Variants in YTHDF3 observed in about 807,000 individuals in gnomAD.
YTHDF3 encodes the protein YTH N6-methyladenosine RNA binding protein F3.
YTHDF3 carries 9 observed loss-of-function variants against 52.5 expected under a neutral mutation model. The ratio of observed to expected loss-of-function variants is 0.17; its 90% confidence interval spans 0.10 to 0.30. The LOEUF (loss-of-function observed/expected upper bound fraction) is 0.30. Ranked by LOEUF, YTHDF3 falls within the 10% of genes least tolerant of loss-of-function variation. YTHDF3 has a pLI of 1.00. For missense variants in YTHDF3, 534 were observed against 715.0 expected, an observed-to-expected ratio of 0.75 and a Z score of 2.89; for synonymous variants, 274 against 243.3, an observed-to-expected ratio of 1.13 and a Z score of -1.18.
chr8:63,187,336 A>T lies in YTHDF3; in HGVS notation c.1325A>T (p.Glu442Val). ...SIKYSIWCSTEHGNKRLDAAY... is the reference protein window; with the variant it reads ...SIKYSIWCSTVHGNKRLDAAY... ...AAATACTCTATCTGGTGTAGTACTG[A>T]GCATGGTAATAAGCGTTTGGATGCA... is the stretch of plus-strand genomic sequence containing the variant. The change falls in exon 4 of 5, where the codon GAG becomes GTG. Residue 442 changes from glutamate to valine, a missense_variant. By Grantham distance (121) the Glu-to-Val change is moderately radical. Transcript: ENST00000539294. The T allele has an allele frequency of 6.2e-7, 1 of 1,614,038 alleles. No homozygotes were observed. The highest frequency in any genetic ancestry group is 8.5e-7 in the Non-Finnish European group (1 of 1,179,904).
chr8:63,183,309 C>T (rs896029378), intron 3 of YTHDF3, among the ~76,000 whole-genome samples: 3 of 152,094 alleles, frequency 2.0e-5, no homozygotes, highest in African/African-American at 7.2e-5. Flanking sequence ...ACTAGATGAA[C>T]TTCTCATTTT....
At chr8:63,169,184 C>T in intron 1 of YTHDF3, 1 of 1,382,270 alleles carries the variant, frequency 7.2e-7, no homozygotes, top group Non-Finnish European at 9.6e-7. Flanking sequence ...CGGGCGAGCT[C>T]TGGGAGACGG....
rs1472505316 is a variant in YTHDF3, at chr8:63,186,180, A to T, written c.169A>T (p.Met57Leu). The change falls in exon 4 of 5, where the codon ATG becomes TTG. Residue 57 changes from methionine to leucine, a missense_variant. Physicochemically the swap from Met to Leu is conservative, Grantham distance 15. Transcript: ENST00000539294. ...CTATCCACCAATGTCAGATCCATAC[A>T]TGCCTAGTTACTATGCTCCATCCAT... ...NSYPPMSDPYMPSYYAPSIGF... is the reference protein window; with the variant it reads ...NSYPPMSDPYLPSYYAPSIGF... 2 of 1,613,880 alleles carry T rather than the reference A, an allele frequency of 1.2e-6. No individual in the cohort carries two copies. Among genetic ancestry groups the T allele is most frequent in the Non-Finnish European group, 1.7e-6 (2 of 1,179,816 alleles).
chr8:63,186,000 G>C, intron 3 of YTHDF3, 147 bp from the exon 4 acceptor site: 1 of 908,870 alleles, frequency 1.1e-6, no homozygotes, highest in South Asian at 2.1e-5. Flanking sequence ...GATAAAACTG[G>C]ATTTGAAATT....
At chr8:63,176,210 CTGTT>C (rs955567101) in intron 3 of YTHDF3, among the ~76,000 whole-genome samples, 21 of 152,258 alleles carry the variant, frequency 1.4e-4, no homozygotes, top group African/African-American at 4.6e-4. Flanking sequence ...TGGAATGAAA[CTGTT>C]TGTTTTGCTT....
At chr8:63,188,669 A>G (rs1204364806) in intron 4 of YTHDF3, 1 of 128,482 alleles carries the variant, frequency 7.8e-6, no homozygotes, top group Non-Finnish European at 1.6e-5. Flanking sequence ...TTGTGTTTAT[A>G]AGAAATTACA....
chr8:63,203,155 A>G (rs1320410639), intron 4 of YTHDF3, among the ~76,000 whole-genome samples: 1 of 151,842 alleles, frequency 6.6e-6, no homozygotes, highest in African/African-American at 2.4e-5. Context: ...AGGCACGAGA[A>G]TCGCTTGAAC....
chr8:63,185,967 ACTC>A (rs1423617891), intron 3 of YTHDF3, among the ~76,000 whole-genome samples, 177 bp from the exon 4 acceptor site: 3 of 152,340 alleles, frequency 2.0e-5, no homozygotes, highest in South Asian at 2.1e-4. Flanking sequence ...AGATGTGACT[ACTC>A]ATCAGCAAAT....
At chr8:63,209,012 C>T (rs890464296) in intron 4 of YTHDF3, among the ~76,000 whole-genome samples, 7 of 152,116 alleles carry the variant, frequency 4.6e-5, no homozygotes, top group Admixed American at 2.0e-4. Context: ...GGATTACAGG[C>T]ACCCGCCACC....
chr8:63,185,157 A>G (rs1294614079), intron 3 of YTHDF3, among the ~76,000 whole-genome samples: 1 of 152,008 alleles, frequency 6.6e-6, no homozygotes, highest in African/African-American at 2.4e-5. Context: ...CCTAAATCAA[A>G]GATCGAAAAT....
intron 3 of YTHDF3, among the ~76,000 whole-genome samples, chr8:63,180,792 C>T (rs993567027): frequency 1.3e-5 from 2 of 152,222 alleles, no homozygotes; most frequent in African/African-American, 2.4e-5. Context: ...GCCAACACAG[C>T]GAAACCCCGT....
At chr8:63,182,287 T>C (rs984447510) in intron 3 of YTHDF3, among the ~76,000 whole-genome samples, 1 of 147,562 alleles carries the variant, frequency 6.8e-6, no homozygotes, top group Non-Finnish European at 1.5e-5. Flanking sequence ...TGCAGGCTGG[T>C]CTTGAACTCC....
chr8:63,194,922 G>A (rs1426401472), intron 4 of YTHDF3, among the ~76,000 whole-genome samples: 1 of 152,146 alleles, frequency 6.6e-6, no homozygotes, highest in East Asian at 1.9e-4. Flanking sequence ...CTATGTTCAT[G>A]TTTTTCTTTA....
rs1554533375 is a variant in YTHDF3, at chr8:63,173,202, T to TATATATATATATATATATATA, written c.50-2129_50-2128insATATATATATATATATATATA. Among the ~76,000 whole-genome samples the TATATATATATATATATATATA allele has an allele frequency of 4.9e-4, 62 of 125,904 alleles. 3 individuals are homozygous for TATATATATATATATATATATA. The highest frequency in any genetic ancestry group is 2.3e-3 in the African/African-American group (57 of 24,794). 82.6% of individuals were successfully genotyped at this position (125,904 alleles called of 152,430 possible). On this transcript the variant is annotated intron_variant, in intron 2 of 4. Transcript: ENST00000539294. Reference sequence around the variant, plus strand: ...AAAAATAAGAATAACAGGATTATATTTATATATATATACAGATAAATTTTA... The same window carrying TATATATATATATATATATATA: ...AAAAATAAGAATAACAGGATTATATTATATATATATATATATATATATATATATATATACAGATAAATTTTA...
Position 63,183,768 on chromosome 8 carries a change from A to G in YTHDF3, c.136-2379A>G, listed in dbSNP as rs1808313496. On this transcript the variant is annotated intron_variant, in intron 3 of 4. Coordinates refer to ENST00000539294, the MANE Select transcript of YTHDF3 (RefSeq NM_152758.6). Reference sequence around the variant, plus strand: ...AATATAGTCAGCCCTCCGTATCTGCAGTGTCTACATTCACGGATTCAGTCA... The same window carrying G: ...AATATAGTCAGCCCTCCGTATCTGCGGTGTCTACATTCACGGATTCAGTCA... 3.9e-5 allele frequency among the ~76,000 whole-genome samples: 6 copies of G among 152,238 alleles called. No homozygotes were observed. In the South Asian group the frequency reaches 1.2e-3, roughly 31 times the overall value.
In YTHDF3 at chr8:63,168,917, C is replaced by G; in HGVS notation, c.24+16C>G. The G allele has an allele frequency of 6.4e-7, 1 of 1,550,834 alleles. No homozygotes were observed. Among genetic ancestry groups the G allele is most frequent in the Non-Finnish European group, 8.7e-7 (1 of 1,147,038 alleles). Reference sequence around the variant, plus strand: ...CGTGGATCAGGTGAGGGAGCAGAGGCCCCAGGCTTGGCGAAGGCCCGAGCC... The same window carrying G: ...CGTGGATCAGGTGAGGGAGCAGAGGGCCCAGGCTTGGCGAAGGCCCGAGCC... On this transcript the variant is annotated intron_variant, in intron 1 of 4. Transcript: ENST00000539294.
At chr8:63,170,093 C>T (rs188715214) in intron 2 of YTHDF3, among the ~76,000 whole-genome samples, 10 of 152,252 alleles carry the variant, frequency 6.6e-5, no homozygotes, top group African/African-American at 2.2e-4. Context: ...TAATATGGAA[C>T]AGTGCAGTCA....
At chr8:63,188,206 C>T (rs990005131) in intron 4 of YTHDF3, among the ~76,000 whole-genome samples, 2 of 151,718 alleles carry the variant, frequency 1.3e-5, no homozygotes, top group Non-Finnish European at 2.9e-5. Flanking sequence ...GCAGTTATGG[C>T]GTATAGCCTC....
At chr8:63,202,867 T>A (rs1809732132) in intron 4 of YTHDF3, among the ~76,000 whole-genome samples, 1 of 152,218 alleles carries the variant, frequency 6.6e-6, no homozygotes, top group Non-Finnish European at 1.5e-5. Flanking sequence ...ATCTATTAGA[T>A]GTTTTAATTT....
Sources: gnomAD v4.1 joint callset for allele counts (sites outside exome capture counted in the v4.1 genomes callset) on GRCh38, gnomAD v4.1.1 for gene constraint, MANE v1.5 for transcripts, NCBI Gene and HGNC (gene_info 2026-07-23, HGNC 2026-07-21) for gene names.